CCDC14: variants seen among roughly 807,000 people sequenced by gnomAD.
The protein encoded by CCDC14 is coiled-coil domain containing 14, also known as coiled-coil domain-containing protein 14.
A neutral mutation model predicts 81.4 loss-of-function variants in CCDC14; 71 were observed. The ratio of observed to expected loss-of-function variants is 0.87; its 90% CI spans 0.72 to 1.06. The LOEUF (loss-of-function observed/expected upper bound fraction) is 1.06, where lower values mean the gene tolerates loss of function less well. CCDC14 is among the 50% of genes least tolerant of loss of function. The pLI, the probability that CCDC14 is intolerant of heterozygous loss-of-function variation, is 0.00. For synonymous variants in CCDC14, 332 were observed against 364.8 expected, an observed-to-expected ratio of 0.91 and a Z score of 1.03; for missense variants, 1,046 against 1,047.3, an observed-to-expected ratio of 1.00 and a Z score of 0.02.
Position 123,948,747 on chromosome 3 carries a change from T to C in CCDC14, c.628A>G (p.Thr210Ala), listed in dbSNP as rs2036816633. The C allele has an allele frequency of 1.3e-6, 2 of 1,600,000 alleles. No homozygotes were observed. Among genetic ancestry groups the C allele is most frequent in the Non-Finnish European group, 1.7e-6 (2 of 1,176,610 alleles). The change falls in exon 7 of 13, where the codon ACC becomes GCC. Residue 210 changes from threonine (T) to alanine (A), a missense_variant. Physicochemically the swap from Thr to Ala is moderately conservative, Grantham distance 58 (BLOSUM62 0). Coordinates refer to ENST00000409697, the MANE Select transcript of CCDC14 (RefSeq NM_001366335.1). ...ATPHSSYGLC[T>A]STPVWSLQRP... ...TGAAGTGACCAGACTGGGGTGGAGG[T>C]ACATAAGCCATAACTAGAATGAGGA...
the CCDC14 span, among the ~76,000 whole-genome samples, chr3:123,892,007 A>G: frequency 5.2e-5 from 6 of 115,506 alleles, no homozygotes; most frequent in African/African-American, 1.5e-4. Flanking sequence ...GCAGGCAAAG[A>G]GAGAGCTTGT....
In CCDC14 at chr3:123,913,867, G is replaced by C. The variant is rs2034516119; in HGVS notation, c.*912C>G. 3.0e-6 allele frequency: 3 copies of C among 985,302 alleles called. No individual in the cohort carries two copies. Among genetic ancestry groups the C allele is most frequent in the Non-Finnish European group, 3.6e-6 (3 of 829,888 alleles). The allele number at this position is 985,302 out of a possible 1,614,324, so 61.0% of individuals were successfully genotyped here. A position where few individuals can be genotyped will look rare whatever the true frequency, so the allele number is the denominator to read the frequency against. The stretch of plus-strand genomic sequence containing the variant: ...ACGTGCTGCTTACATGAAGGGAGAT[G>C]ATACTGAGCTAAGAAGTCCTGGTAT... On this transcript the variant is annotated 3_prime_UTR_variant, in exon 13 of 13. Coordinates refer to ENST00000409697, the MANE Select transcript of CCDC14 (RefSeq NM_001366335.1).
the CCDC14 span, among the ~76,000 whole-genome samples, chr3:123,887,402 A>G: frequency 6.6e-6 from 1 of 151,910 alleles, no homozygotes; most frequent in African/African-American, 2.4e-5. Flanking sequence ...TGTTCATGCC[A>G]TTTTACTTGA....
chr3:123,915,982 G>A (rs373272128), intron 12 of CCDC14, among the ~76,000 whole-genome samples: 2 of 145,506 alleles, frequency 1.4e-5, no homozygotes, highest in African/African-American at 5.1e-5. Flanking sequence ...TTTAAGGTAT[G>A]GAGATGTTTT....
Position 123,933,733 on chromosome 3 carries a change from G to A in CCDC14, c.1366C>T (p.Gln456Ter). The change falls in exon 10 of 13, where the codon CAA (glutamine) becomes TAA (stop). Residue 456 changes from glutamine to a stop codon, truncating the protein, a stop_gained. Transcript: ENST00000409697. LOFTEE classifies it high-confidence loss of function. ...LRRQLRILNQQLREQQKTQKP... is the reference protein window; with the variant it reads ...LRRQLRILNQ ...TGAGTTTTCTGTTGTTCTCTGAGTT[G>A]CTGGTTCAAAATTCTCAACTGCCTA... is the stretch of plus-strand genomic sequence containing the variant. The A allele has an allele frequency of 6.4e-7, 1 of 1,570,154 alleles. No homozygotes were observed.
At chr3:123,888,234 G>T in the CCDC14 span, among the ~76,000 whole-genome samples, 12 of 152,190 alleles carry the variant, frequency 7.9e-5, no homozygotes, top group South Asian at 2.5e-3. Context: ...TCTTTCTGGA[G>T]GTTATTATGA....
chr3:123,939,068 TTTTTG>T (rs1340721866), intron 9 of CCDC14, among the ~76,000 whole-genome samples: 1 of 151,888 alleles, frequency 6.6e-6, no homozygotes. Context: ...CCATTCAAGT[TTTTTG>T]TTTTGTTTTT....
At position 123,915,718 on chromosome 3, in the gene CCDC14, T is replaced by C; in HGVS notation, c.1779A>G (p.Arg593=). 6.3e-7 allele frequency: 1 copy of C among 1,598,918 alleles called. No individual in the cohort carries two copies. The highest frequency in any genetic ancestry group is 8.5e-7 in the Non-Finnish European group (1 of 1,173,330). ...GCTTTGCCATGCTAGTCTGTAAAGT[T>C]CTGTTAAGAAGAATCCAGAACACTA... The part of the protein sequence containing the change: ...AEVTRLRELT[R]TLQTSMAKLL... Residue 593 remains arginine, a splice_region_variant and synonymous_variant, in exon 13 of 13, where the codon AGA becomes AGG. Transcript: ENST00000409697.
intron 5 of CCDC14, among the ~76,000 whole-genome samples, chr3:123,904,746 T>C (rs531474071): frequency 1.3e-5 from 2 of 152,130 alleles, no homozygotes; most frequent in African/African-American, 4.8e-5. Context: ...ACAATATTAA[T>C]GAGTTGGAGG....
chr3:123,918,722 C>T (rs1422363556), intron 12 of CCDC14, among the ~76,000 whole-genome samples: 1 of 152,162 alleles, frequency 6.6e-6, no homozygotes, highest in Non-Finnish European at 1.5e-5. Context: ...TTCTGTATTA[C>T]CCCATTTGTT....
chr3:123,903,297 AACACACACACACACACACACACAC>A (rs57466490), intron 5 of CCDC14, among the ~76,000 whole-genome samples: 3 of 144,206 alleles, frequency 2.1e-5, no homozygotes, highest in Admixed American at 6.9e-5. Flanking sequence ...TTATTTTTCA[AACACACACACACACACACACACAC>A]ACACACACAC....
intron 1 of CCDC14, 52 bp from the exon 2 acceptor site, chr3:123,956,847 T>G: frequency 8.4e-7 from 1 of 1,193,722 alleles, no homozygotes. Flanking sequence ...TATTATATTT[T>G]CAATATGCTA....
chr3:123,946,736 A>G, intron 8 of CCDC14, 67 bp downstream of exon 8: 2 of 1,395,026 alleles, frequency 1.4e-6, no homozygotes, highest in Non-Finnish European at 2.0e-6. Flanking sequence ...TTTAAATGAT[A>G]GCTAAATAAC....
intron 5 of CCDC14, among the ~76,000 whole-genome samples, chr3:123,902,284 C>A (rs2034193674): frequency 6.6e-6 from 1 of 152,166 alleles, no homozygotes; most frequent in African/African-American, 2.4e-5. Flanking sequence ...AGACAGTACA[C>A]CTCATAAATG....
At chr3:123,906,104 T>A (rs2034301674) in intron 5 of CCDC14, among the ~76,000 whole-genome samples, 1 of 151,664 alleles carries the variant, frequency 6.6e-6, no homozygotes, top group Non-Finnish European at 1.5e-5. Flanking sequence ...CCAAGGCGGG[T>A]GGATCATGAG....
At chr3:123,942,206 T>C (rs1019725477) in intron 9 of CCDC14, among the ~76,000 whole-genome samples, 4 of 152,062 alleles carry the variant, frequency 2.6e-5, no homozygotes, top group African/African-American at 9.7e-5. Flanking sequence ...ACATAAACTC[T>C]TTGTGCCTTC....
Position 123,956,759 on chromosome 3 carries a change from A to G in CCDC14, c.67T>C (p.Leu23=). ...SSGRHTGPAK[L]TNGKKATYLR... Reference sequence around the variant, plus strand: ...ACTTACGCTTTCTTTCCATTTGTTAATTTAGCAGGTCCAGTGTGCCTTCCT... The same window carrying G: ...ACTTACGCTTTCTTTCCATTTGTTAGTTTAGCAGGTCCAGTGTGCCTTCCT... The change falls in exon 2 of 13, where the codon TTA becomes CTA. Residue 23 remains leucine, a synonymous_variant. Transcript: ENST00000409697. The G allele has an allele frequency of 1.9e-6, 3 of 1,547,724 alleles. No individual in the cohort carries two copies. The highest frequency in any genetic ancestry group is 2.6e-6 in the Non-Finnish European group (3 of 1,144,122).
chr3:123,904,730 T>C (rs1920217), intron 5 of CCDC14, among the ~76,000 whole-genome samples: 130,612 of 151,992 alleles, frequency 0.86, 57,246 homozygotes, highest in Non-Finnish European at 0.96. Context: ...GTAAATGGAG[T>C]GTTATACAAT....
chr3:123,921,490 C>G (rs1431946698), intron 12 of CCDC14, among the ~76,000 whole-genome samples: 3 of 152,138 alleles, frequency 2.0e-5, no homozygotes, highest in Non-Finnish European at 4.4e-5. Context: ...AATATATGCA[C>G]CCAACATTGG....
Sources: gnomAD v4.1 joint callset for allele counts (sites outside exome capture counted in the v4.1 genomes callset) on GRCh38, gnomAD v4.1.1 for gene constraint, MANE v1.5 for transcripts, NCBI Gene and HGNC (gene_info 2026-07-23, HGNC 2026-07-21) for gene names.